Variants in USH2A observed in about 807,000 individuals in gnomAD.
USH2A encodes usherin.
A neutral mutation model predicts 538.9 loss-of-function variants in USH2A; 443 were observed. That is an observed-to-expected ratio of 0.82 (90% CI 0.76 to 0.89). USH2A has a LOEUF of 0.89. Among genes scored for constraint, USH2A ranks in the 40% least tolerant of loss-of-function variants. USH2A has a pLI of 0.00. For synonymous variants in USH2A, 2,413 were observed against 2,273.5 expected, an observed-to-expected ratio of 1.06 and a Z score of -1.75; for missense variants, 6,633 against 6,324.8, an observed-to-expected ratio of 1.05 and a Z score of -1.65.
At chr1:216,171,372 C>T (rs1168504234) in intron 21 of USH2A, among the ~76,000 whole-genome samples, 1 of 151,784 alleles carries the variant, frequency 6.6e-6, no homozygotes, top group Non-Finnish European at 1.5e-5. Context: ...CAAGTCCTCA[C>T]CACTAAGTCA....
chr1:216,048,638 G>C lies in USH2A; in HGVS notation c.6059C>G (p.Thr2020Arg), dbSNP rs755067710. Residue 2020 changes from threonine (T) to arginine (R), a missense_variant, in exon 31 of 72, where the codon ACA (threonine) becomes AGA (arginine). By Grantham distance (71) the Thr-to-Arg change is moderately conservative. Transcript: ENST00000307340. Reference protein sequence around the residue: ...VNTSNLTGILTGLLPFKNYAV... With the variant: ...VNTSNLTGILRGLLPFKNYAV... ...ATAGTTTTTGAAGGGTAGCAAGCCTGTCAATATGCCTATAATAAAAAGGGA... is the reference window on the plus strand; with the variant it reads ...ATAGTTTTTGAAGGGTAGCAAGCCTCTCAATATGCCTATAATAAAAAGGGA... The C allele has an allele frequency of 3.1e-6, 5 of 1,613,866 alleles. No individual in the cohort carries two copies. The African/African-American group carries it at 6.7e-5, about 22-fold the overall frequency.
At chr1:216,154,475 T>C (rs763353066) in intron 21 of USH2A, among the ~76,000 whole-genome samples, 1 of 152,186 alleles carries the variant, frequency 6.6e-6, no homozygotes, top group African/African-American at 2.4e-5. Context: ...AAATCAATGG[T>C]TCCCATACTT....
chr1:215,670,438 T>C (rs1657778137), intron 64 of USH2A, among the ~76,000 whole-genome samples: 1 of 152,252 alleles, frequency 6.6e-6, no homozygotes, highest in Admixed American at 6.5e-5. Flanking sequence ...TTTCTGAATA[T>C]TATTCTTAAT....
intron 3 of USH2A, among the ~76,000 whole-genome samples, chr1:216,387,407 GA>G (rs1348935216): frequency 6.6e-6 from 1 of 152,004 alleles, no homozygotes; most frequent in Non-Finnish European, 1.5e-5. Flanking sequence ...CTGATCTGAT[GA>G]AAAAAGAAAC....
chr1:216,370,668 ACT>A (rs1433636226), intron 3 of USH2A, among the ~76,000 whole-genome samples: 38 of 25,998 alleles, frequency 1.5e-3, no homozygotes, highest in African/African-American at 2.6e-3. Context: ...ACAGAGCCAG[ACT>A]CTGTCTCAAA....
chr1:216,138,303 T>C (rs2033526805), intron 21 of USH2A, among the ~76,000 whole-genome samples: 1 of 152,152 alleles, frequency 6.6e-6, no homozygotes, highest in South Asian at 2.1e-4. Context: ...AATGCAGCAT[T>C]CAGTTGAATA....
intron 31 of USH2A, 125 bp from the exon 32 acceptor site, chr1:216,046,717 T>A: frequency 8.8e-7 from 1 of 1,139,428 alleles, no homozygotes; most frequent in South Asian, 1.4e-5. Context: ...TCCCGATTCG[T>A]GGGCAGCTTG....
intron 32 of USH2A, among the ~76,000 whole-genome samples, chr1:216,014,814 G>A (rs765743838): frequency 1.3e-5 from 2 of 152,112 alleles, no homozygotes; most frequent in African/African-American, 2.4e-5. Context: ...TTACAATACT[G>A]GCCATGAATT....
intron 13 of USH2A, among the ~76,000 whole-genome samples, chr1:216,244,570 G>C (rs2036000123): frequency 6.6e-6 from 1 of 152,148 alleles, no homozygotes; most frequent in Non-Finnish European, 1.5e-5. Flanking sequence ...ATAAAGGAAA[G>C]AGCAATGAAG....
At chr1:216,213,251 G>T (rs916989251) in intron 15 of USH2A, among the ~76,000 whole-genome samples, 7 of 152,060 alleles carry the variant, frequency 4.6e-5, no homozygotes, top group Non-Finnish European at 1.0e-4. Flanking sequence ...TTGTGAATTT[G>T]TTTGGATTTT....
chr1:215,839,430 A>T (rs976680577), intron 46 of USH2A, among the ~76,000 whole-genome samples: 2 of 152,168 alleles, frequency 1.3e-5, no homozygotes, highest in Admixed American at 6.6e-5. Flanking sequence ...GAAGCCAGGG[A>T]ATATTGTCAA....
At chr1:216,237,216 G>A (rs1164737762) in intron 13 of USH2A, among the ~76,000 whole-genome samples, 1 of 151,994 alleles carries the variant, frequency 6.6e-6, no homozygotes, top group East Asian at 1.9e-4. Flanking sequence ...GGTTTCCCAG[G>A]ACTCTGTTAA....
In USH2A at chr1:216,198,547, C is replaced by T; in HGVS notation, c.3849G>A (p.Leu1283=). 6.2e-7 allele frequency: 1 copy of T among 1,613,634 alleles called. No individual in the cohort carries two copies. Among genetic ancestry groups the T allele is most frequent in the Non-Finnish European group, 8.5e-7 (1 of 1,179,892 alleles). Residue 1283 remains leucine, a synonymous_variant, in exon 18 of 72, where the codon CTG becomes CTA. Coordinates refer to ENST00000307340, the MANE Select transcript of USH2A (RefSeq NM_206933.4). ...CAGATGTGGTTTCTTTAGTAGATCT[C>T]AGTCTTCTCATGTATAGTTCATATC... ...IIRYELYMRR[L]RSTKETTSEE... is the part of the protein sequence containing the mutation.
intron 32 of USH2A, among the ~76,000 whole-genome samples, chr1:216,032,515 T>C (rs1669151451): frequency 6.6e-6 from 1 of 152,166 alleles, no homozygotes; most frequent in African/African-American, 2.4e-5. Flanking sequence ...CACACACCTA[T>C]ATACAATTTT....
chr1:215,699,839 C>T (rs1658948414), intron 61 of USH2A, among the ~76,000 whole-genome samples: 1 of 152,140 alleles, frequency 6.6e-6, no homozygotes, highest in Non-Finnish European at 1.5e-5. Context: ...AGTTTCAATG[C>T]CATGTTGAAT....
chr1:215,775,852 A>G (rs780225367), intron 55 of USH2A, among the ~76,000 whole-genome samples: 5 of 152,258 alleles, frequency 3.3e-5, no homozygotes, highest in Non-Finnish European at 5.9e-5. Flanking sequence ...ATGAGAAACG[A>G]AAGTAAATTA....
At chr1:216,073,042 A>G in intron 28 of USH2A, 55 bp downstream of exon 28, 1 of 1,613,086 alleles carries the variant, frequency 6.2e-7, no homozygotes, top group South Asian at 1.1e-5. Flanking sequence ...GCAGGGAGGG[A>G]AAGGGGGATG....
At chr1:216,078,925 C>T (rs920830636) in intron 26 of USH2A, 28 of 152,910 alleles carry the variant, frequency 1.8e-4, no homozygotes, top group African/African-American at 5.6e-4. Flanking sequence ...AACATAATTG[C>T]TTCTATGTGT....
rs74764108 is a variant in USH2A at position 215,978,030 on chromosome 1, C to T, written c.6806-7254G>A. 8.7e-3 allele frequency among the ~76,000 whole-genome samples: 1,326 copies of T among 152,124 alleles called. 26 individuals carry two copies. Among genetic ancestry groups the T allele is most frequent in the African/African-American group, 0.03 (1,232 of 41,504 alleles). On this transcript the variant is annotated intron_variant, in intron 35 of 71. Coordinates refer to ENST00000307340, the MANE Select transcript of USH2A (RefSeq NM_206933.4). ...TGGTCCTGGCTATTTGAGAGGCTGA[C>T]GTGGCAGAATCACTCAGGCCCAGGA...
Sources: allele counts gnomAD v4.1 joint callset (sites outside exome capture counted in the v4.1 genomes callset), GRCh38; gene constraint gnomAD v4.1.1; transcripts MANE v1.5; gene names NCBI Gene and HGNC (gene_info 2026-07-23, HGNC 2026-07-21).